Variants in LINGO2 observed in about 807,000 individuals in gnomAD.
The protein encoded by LINGO2 is leucine rich repeat and Ig domain containing 2, also known as leucine-rich repeat and immunoglobulin-like domain-containing nogo receptor-interacting protein 2.
A neutral mutation model predicts 30.6 loss-of-function variants in LINGO2; 14 were observed. That is an observed-to-expected ratio of 0.46 (90% CI 0.30 to 0.72). The LOEUF (loss-of-function observed/expected upper bound fraction) is 0.72. Ranked by LOEUF, LINGO2 falls within the 30% of genes least tolerant of loss-of-function variation. The pLI is 0.07. For missense variants in LINGO2, 729 were observed against 751.7 expected, an observed-to-expected ratio of 0.97 and a Z score of 0.35; for synonymous variants, 317 against 288.5, an observed-to-expected ratio of 1.10 and a Z score of -1.00.
intron 1 of LINGO2, among the ~76,000 whole-genome samples, chr9:28,541,593 C>A (rs1821701416): frequency 6.6e-6 from 1 of 152,072 alleles, no homozygotes; most frequent in Non-Finnish European, 1.5e-5. Flanking sequence ...GCCATGTCCA[C>A]TAATTGTAAA....
chr9:28,681,222 T>A, the LINGO2 span, among the ~76,000 whole-genome samples: 2 of 151,924 alleles, frequency 1.3e-5, no homozygotes, highest in African/African-American at 4.8e-5. Context: ...CTAACTTAGT[T>A]CCAGTTAGTA....
chr9:28,485,961 T>C (rs1564233472), intron 1 of LINGO2, among the ~76,000 whole-genome samples: 1 of 152,154 alleles, frequency 6.6e-6, no homozygotes, highest in Non-Finnish European at 1.5e-5. Context: ...TCACTATTCT[T>C]ATTCTTGGTG....
chr9:29,157,405 A>G, the LINGO2 span, among the ~76,000 whole-genome samples: 1 of 152,212 alleles, frequency 6.6e-6, no homozygotes, highest in Non-Finnish European at 1.5e-5. Flanking sequence ...AGCAGGCATC[A>G]TTCTGAAAAC....
chr9:27,963,155 C>A (rs1163907786), intron 5 of LINGO2, among the ~76,000 whole-genome samples: 1 of 152,108 alleles, frequency 6.6e-6, no homozygotes, highest in African/African-American at 2.4e-5. Flanking sequence ...ACTATTTCCT[C>A]TGTTAATTTT....
At chr9:29,001,138 G>A in the LINGO2 span, among the ~76,000 whole-genome samples, 1 of 151,802 alleles carries the variant, frequency 6.6e-6, no homozygotes, top group Non-Finnish European at 1.5e-5. Flanking sequence ...AGACTGCAGT[G>A]TTGAAACATT....
At chr9:28,300,129 A>G (rs200029173) in intron 3 of LINGO2, among the ~76,000 whole-genome samples, 3 of 127,868 alleles carry the variant, frequency 2.3e-5, no homozygotes, top group Non-Finnish European at 5.0e-5. Context: ...TCTAATGGAA[A>G]AAAAAAAAAA....
At chr9:28,022,689 TC>T (rs1465563112) in intron 4 of LINGO2, among the ~76,000 whole-genome samples, 2 of 152,028 alleles carry the variant, frequency 1.3e-5, no homozygotes, top group Non-Finnish European at 2.9e-5. Flanking sequence ...TTGATATTTA[TC>T]CTGCTGGTGT....
chr9:28,155,557 G>GT (rs1419222561), intron 4 of LINGO2, among the ~76,000 whole-genome samples: 1 of 152,136 alleles, frequency 6.6e-6, no homozygotes, highest in African/African-American at 2.4e-5. Flanking sequence ...TGGAAATGAA[G>GT]TTTTTTCTAA....
rs1824451358 is a variant in LINGO2 at position 28,308,217 on chromosome 9, T to C, written c.-245-12851A>G. ...TACAGTAACCAAAACAGCATGGTAC[T>C]GGTACCAAAACAGAGATATAGATCA... On this transcript the variant is annotated intron_variant, in intron 3 of 5. Coordinates refer to ENST00000379992, the Ensembl canonical transcript of LINGO2. 1.6e-5 allele frequency among the ~76,000 whole-genome samples: 2 copies of C among 128,804 alleles called. 1 individual carries two copies. Among genetic ancestry groups the C allele is most frequent in the Non-Finnish European group, 3.6e-5 (2 of 55,216 alleles). The allele number at this position is 128,804 out of a possible 152,430, so 84.5% of individuals were successfully genotyped here.
At position 28,009,125 on chromosome 9, in the gene LINGO2, T is replaced by C. The variant is rs114520661; in HGVS notation, c.-36+3230A>G. Among the ~76,000 whole-genome samples, 560 of 126,440 alleles carry C rather than the reference T, an allele frequency of 4.4e-3. 5 individuals carry two copies. Among genetic ancestry groups the C allele is most frequent in the African/African-American group, 0.015 (503 of 34,134 alleles). 82.9% of individuals were successfully genotyped at this position (126,440 alleles called of 152,430 possible). ...ATAAATTTGTTGTTTTTTTGACAGA[T>C]AATTCAAAGGGAAAAGTTTTTTTTT... On this transcript the variant is annotated intron_variant, in intron 5 of 5. Transcript: ENST00000379992.
chr9:28,279,632 CAGTAT>C (rs1188405066), intron 4 of LINGO2, among the ~76,000 whole-genome samples: 1 of 152,110 alleles, frequency 6.6e-6, no homozygotes, highest in African/African-American at 2.4e-5. Context: ...TAATAAACTA[CAGTAT>C]AGTATAAATA....
At chr9:28,110,106 C>G (rs4878716) in intron 4 of LINGO2, among the ~76,000 whole-genome samples, 68,458 of 152,090 alleles carry the variant, frequency 0.45, 17,261 homozygotes, top group East Asian at 0.66. Context: ...CTACAATAAT[C>G]TGATCTTCAA....
intron 4 of LINGO2, among the ~76,000 whole-genome samples, chr9:28,193,759 T>C (rs1009140036): frequency 3.9e-5 from 6 of 152,230 alleles, no homozygotes; most frequent in African/African-American, 1.4e-4. Context: ...TTGACAGTTC[T>C]GGTTCAGAGT....
chr9:28,984,385 G>A, the LINGO2 span, among the ~76,000 whole-genome samples: 30 of 152,042 alleles, frequency 2.0e-4, no homozygotes, highest in African/African-American at 5.8e-4. Context: ...ACCTGGTTCC[G>A]TTCACACTTA....
the LINGO2 span, among the ~76,000 whole-genome samples, chr9:29,093,284 T>A: frequency 0.063 from 8,301 of 132,780 alleles, 1,999 homozygotes; most frequent in African/African-American, 0.21. Flanking sequence ...CACAATAATT[T>A]TTTCAAGAAT....
At chr9:28,565,108 A>C (rs1823298007) in intron 1 of LINGO2, among the ~76,000 whole-genome samples, 1 of 152,138 alleles carries the variant, frequency 6.6e-6, no homozygotes, top group Non-Finnish European at 1.5e-5. Flanking sequence ...TCCATTTAGA[A>C]ATGATCTCCA....
At chr9:27,988,036 T>C (rs1396046503) in intron 5 of LINGO2, among the ~76,000 whole-genome samples, 1 of 152,034 alleles carries the variant, frequency 6.6e-6, no homozygotes, top group Non-Finnish European at 1.5e-5. Flanking sequence ...TGGTGTGTGA[T>C]GTTCCCCTTC....
intron 1 of LINGO2, among the ~76,000 whole-genome samples, chr9:28,628,148 T>C (rs111519258): frequency 2.0e-5 from 3 of 152,178 alleles, no homozygotes; most frequent in African/African-American, 7.2e-5. Flanking sequence ...TACAGAAGAA[T>C]CATCTCAAAA....
chr9:28,119,293 A>C (rs1188533183), intron 4 of LINGO2, among the ~76,000 whole-genome samples: 1 of 152,166 alleles, frequency 6.6e-6, no homozygotes, highest in African/African-American at 2.4e-5. Context: ...ATGCCCAGCT[A>C]ATTTTTGTAT....
Sources: allele counts gnomAD v4.1 joint callset (sites outside exome capture counted in the v4.1 genomes callset), GRCh38; gene constraint gnomAD v4.1.1; transcripts MANE v1.5; gene names NCBI Gene and HGNC (gene_info 2026-07-23, HGNC 2026-07-21).